HERC4: variants seen among roughly 807,000 people sequenced by gnomAD.
HERC4 encodes the protein HECT and RLD domain containing E3 ubiquitin protein ligase 4.
Under a neutral mutation model 124.3 loss-of-function variants are expected in HERC4, and 28 were observed. The ratio of observed to expected loss-of-function variants is 0.23; its 90% CI spans 0.17 to 0.31. HERC4 has a LOEUF of 0.31. HERC4 is among the 10% of genes least tolerant of loss of function. The probability of loss-of-function intolerance (pLI) is 1.00; values close to 1 mark genes in which losing one functional copy is unlikely to be tolerated. For synonymous variants in HERC4, 407 were observed against 421.5 expected (o/e 0.97, Z 0.42); for missense variants, 713 against 1,229.3 (o/e 0.58, Z 6.28).
intron 3 of HERC4, among the ~76,000 whole-genome samples, chr10:68,055,906 C>T (rs1229423488): frequency 2.0e-5 from 3 of 152,088 alleles, no homozygotes; most frequent in African/African-American, 7.2e-5. Context: ...CACCGGCCAC[C>T]ATGCCCGGCT....
intron 3 of HERC4, chr10:68,069,151 G>A: frequency 1.0e-6 from 1 of 970,310 alleles, no homozygotes; most frequent in Non-Finnish European, 1.2e-6. Context: ...AGTAAGAAAA[G>A]GATCTTGTAA....
At chr10:68,049,561 A>G (rs2040181936) in intron 3 of HERC4, among the ~76,000 whole-genome samples, 1 of 121,706 alleles carries the variant, frequency 8.2e-6, no homozygotes, top group African/African-American at 3.4e-5. Context: ...ACTGCACTCC[A>G]GCCTGGGTGA....
intron 9 of HERC4, among the ~76,000 whole-genome samples, chr10:68,006,116 T>G (rs1268319277): frequency 6.6e-6 from 1 of 152,220 alleles, no homozygotes; most frequent in African/African-American, 2.4e-5. Context: ...TCTATTTATA[T>G]CTTATTATAT....
chr10:67,964,687 C>T (rs1474297240), intron 16 of HERC4: 2 of 152,290 alleles, frequency 1.3e-5, no homozygotes, highest in African/African-American at 4.8e-5. Flanking sequence ...TCCTAGTTTA[C>T]TAAACTCTCT....
chr10:67,924,383 A>C (rs978800620), intron 24 of HERC4, among the ~76,000 whole-genome samples: 1 of 152,178 alleles, frequency 6.6e-6, no homozygotes, highest in Non-Finnish European at 1.5e-5. Context: ...CACAACCTAG[A>C]CAGTATATAG....
At chr10:67,938,943 C>G (rs1024516659) in intron 21 of HERC4, among the ~76,000 whole-genome samples, 3 of 151,944 alleles carry the variant, frequency 2.0e-5, no homozygotes, top group African/African-American at 4.8e-5. Flanking sequence ...GACTCTGTCT[C>G]AAAAAAACAA....
intron 7 of HERC4, among the ~76,000 whole-genome samples, chr10:68,029,422 G>A (rs1301139475): frequency 6.6e-6 from 1 of 151,868 alleles, no homozygotes; most frequent in Non-Finnish European, 1.5e-5. Context: ...AACCCAAGAG[G>A]TGGACGTTAC....
chr10:68,032,074 T>C (rs1172521315), intron 7 of HERC4, among the ~76,000 whole-genome samples: 1 of 152,228 alleles, frequency 6.6e-6, no homozygotes, highest in East Asian at 1.9e-4. Context: ...TTACCAATTT[T>C]ATATACTATG....
chr10:67,996,913 G>A (rs925796913), intron 9 of HERC4, among the ~76,000 whole-genome samples: 15 of 152,130 alleles, frequency 9.9e-5, no homozygotes, highest in Middle Eastern at 3.4e-3. Context: ...GCAAGAACCC[G>A]GGAGGCAGAG....
At chr10:67,986,363 A>G (rs887644649) in intron 15 of HERC4, among the ~76,000 whole-genome samples, 7 of 152,034 alleles carry the variant, frequency 4.6e-5, no homozygotes, top group African/African-American at 1.7e-4. Context: ...TGTATTATTT[A>G]TTTTTTTGAG....
intron 7 of HERC4, among the ~76,000 whole-genome samples, chr10:68,027,551 G>C (rs1253398536): frequency 1.3e-5 from 2 of 152,074 alleles, no homozygotes; most frequent in African/African-American, 4.8e-5. Context: ...CTAATAACTA[G>C]GCCATGTTTA....
chr10:67,924,746 C>T (rs1406711191), intron 24 of HERC4, among the ~76,000 whole-genome samples: 1 of 152,100 alleles, frequency 6.6e-6, no homozygotes. Flanking sequence ...GAATCAATCC[C>T]CCATGTATGC....
At chr10:68,064,695 G>T (rs1447935299) in intron 3 of HERC4, among the ~76,000 whole-genome samples, 1 of 151,938 alleles carries the variant, frequency 6.6e-6, no homozygotes, top group East Asian at 1.9e-4. Context: ...AAAATAGGCT[G>T]GGCATGGTGG....
At chr10:67,992,127 G>T in intron 11 of HERC4, 72 bp downstream of exon 11, 1 of 1,450,770 alleles carries the variant, frequency 6.9e-7, no homozygotes, top group African/African-American at 1.4e-5. Flanking sequence ...CAATTCCTGG[G>T]CTCAGGCAAT....
intron 19 of HERC4, among the ~76,000 whole-genome samples, chr10:67,946,851 G>C (rs2033402171): frequency 6.6e-6 from 1 of 152,172 alleles, no homozygotes; most frequent in Non-Finnish European, 1.5e-5. Context: ...ATGTTGCATT[G>C]AGTCAAGATT....
intron 8 of HERC4, among the ~76,000 whole-genome samples, chr10:68,024,149 T>A (rs984815485): frequency 6.6e-6 from 1 of 152,124 alleles, no homozygotes; most frequent in African/African-American, 2.4e-5. Context: ...AATTTTTATA[T>A]CCTGAGGAAA....
intron 3 of HERC4, among the ~76,000 whole-genome samples, chr10:68,045,646 ATG>A (rs1320553412): frequency 2.0e-5 from 3 of 152,196 alleles, no homozygotes; most frequent in Non-Finnish European, 4.4e-5. Context: ...AGTCCTCAAG[ATG>A]TGTTTGTCAG....
intron 17 of HERC4, 178 bp from the exon 18 acceptor site, chr10:67,955,308 T>C (rs2034067839): frequency 1.9e-6 from 1 of 536,372 alleles, no homozygotes; most frequent in Non-Finnish European, 3.2e-6. Flanking sequence ...GCATAAAGAG[T>C]ACCCTTTTGA....
intron 3 of HERC4, among the ~76,000 whole-genome samples, chr10:68,049,591 A>C (rs983620631): frequency 7.1e-5 from 4 of 56,214 alleles, no homozygotes; most frequent in African/African-American, 4.6e-4. Flanking sequence ...ACACTGCCAC[A>C]AAAAAAAAAA....
Sources: gnomAD v4.1 joint callset for allele counts (sites outside exome capture counted in the v4.1 genomes callset) on GRCh38, gnomAD v4.1.1 for gene constraint, MANE v1.5 for transcripts, NCBI Gene and HGNC (gene_info 2026-07-23, HGNC 2026-07-21) for gene names.